The following SCLY variants were observed in gnomAD, a reference collection of about 807,000 sequenced individuals.
SCLY encodes putative selenocysteine lyase.
In SCLY, 38 loss-of-function variants were observed where a neutral mutation model predicts 50.1. The observed-to-expected ratio is 0.76, with a 90% CI of 0.59 to 0.99. SCLY has a LOEUF of 0.99. SCLY is among the 50% of genes least tolerant of loss of function. SCLY has a pLI of 0.00. For missense variants in SCLY, 600 were observed against 620.0 expected, an observed-to-expected ratio of 0.97 and a Z score of 0.34; for synonymous variants, 243 against 249.4, an observed-to-expected ratio of 0.97 and a Z score of 0.24.
chr2:238,083,786 G>GC lies in SCLY; in HGVS notation c.884+437dup, dbSNP rs769678723. 1.1e-4 allele frequency among the ~76,000 whole-genome samples: 16 copies of GC among 152,102 alleles called. No individual in the cohort carries two copies. Among genetic ancestry groups the GC allele is most frequent in the Non-Finnish European group, 1.9e-4 (13 of 68,032 alleles). Reference sequence around the variant, plus strand: ...CGTGTTAACTGGGAAATTAGTTGTTGCCCCCACCACACCTTTTGTTAGAAA... The same window carrying GC: ...CGTGTTAACTGGGAAATTAGTTGTTGCCCCCCACCACACCTTTTGTTAGAAA... On this transcript the variant is annotated intron_variant, in intron 7 of 11. Coordinates refer to ENST00000254663, the MANE Select transcript of SCLY (RefSeq NM_016510.7). This position sits in a 1 kb window ranked among gnomAD's most constrained non-coding sequence, Gnocchi z 4.3.
At chr2:238,078,660 G>A (rs1363865670) in intron 4 of SCLY, 1 of 148,834 alleles carries the variant, frequency 6.7e-6, no homozygotes, top group African/African-American at 2.5e-5. Context: ...ATCTATATAT[G>A]TTACAAACTC....
At position 238,083,075 on chromosome 2, in the gene SCLY, A is replaced by G. The variant is rs1415076917; in HGVS notation, c.778-173A>G. ...AGGTTGGGGTTCCACCCTGCCCCGA[A>G]GGCTTTTGTGACTCTGCGTGTCAAA... On this transcript the variant is annotated intron_variant, in intron 6 of 11. Transcript: ENST00000254663. This position sits in a 1 kb window ranked among gnomAD's most constrained non-coding sequence, Gnocchi z 4.3. The G allele has an allele frequency of 1.4e-6, 1 of 694,564 alleles. No individual in the cohort carries two copies. Among genetic ancestry groups the G allele is most frequent in the East Asian group, 2.8e-5 (1 of 35,212 alleles). 43.0% of individuals were successfully genotyped at this position (694,564 alleles called of 1,614,324 possible).
chr2:238,067,916 C>T lies in SCLY; in HGVS notation c.203-149C>T. The stretch of plus-strand genomic sequence containing the variant: ...TTGCCGGGTTGTGTCTAGGTTGTAG[C>T]ATTTTGCTGTGCTCACATTAAGGGG... On this transcript the variant is annotated intron_variant, in intron 2 of 11. Transcript: ENST00000254663. The surrounding 1 kb of genome is among the most constrained non-coding windows in gnomAD (Gnocchi z 4.3). 6 of 556,540 alleles carry T rather than the reference C, an allele frequency of 1.1e-5. No homozygotes were observed. In the South Asian group the frequency reaches 1.6e-4, roughly 14 times the overall value. 34.5% of individuals were successfully genotyped at this position (556,540 alleles called of 1,614,324 possible).
intron 4 of SCLY, among the ~76,000 whole-genome samples, chr2:238,075,510 T>C (rs1207327250): frequency 6.6e-6 from 1 of 152,202 alleles, no homozygotes; most frequent in Non-Finnish European, 1.5e-5. Flanking sequence ...GGGCCTGGGC[T>C]TCTCTTTGTG....
chr2:238,075,783 ATCTTTTTAAAAAC>A (rs1461194970), intron 4 of SCLY, among the ~76,000 whole-genome samples: 3 of 152,050 alleles, frequency 2.0e-5, no homozygotes, highest in Non-Finnish European at 4.4e-5. Flanking sequence ...CTAAAGATTT[ATCTTTTTAAAAAC>A]TCTTTTTAAA....
At chr2:238,087,161 C>CAAAA (rs34951361) in intron 7 of SCLY, among the ~76,000 whole-genome samples, 1 of 124,084 alleles carries the variant, frequency 8.1e-6, no homozygotes. Flanking sequence ...CCTGTTTCTA[C>CAAAA]AAAAAAAAAA....
In SCLY at chr2:238,067,430, C is replaced by T. The variant is rs1164220376; in HGVS notation, c.203-635C>T. Among the ~76,000 whole-genome samples, 2 of 152,212 alleles carry T rather than the reference C, an allele frequency of 1.3e-5. No individual in the cohort carries two copies. Among genetic ancestry groups the T allele is most frequent in the African/African-American group, 4.8e-5 (2 of 41,450 alleles). On this transcript the variant is annotated intron_variant, in intron 2 of 11. Transcript: ENST00000254663. This position sits in a 1 kb window ranked among gnomAD's most constrained non-coding sequence, Gnocchi z 4.3. The stretch of plus-strand genomic sequence containing the variant: ...TCCTGGTGTGTACACTAAGAATGGT[C>T]ACTGAAACTTTCGGCATTCCCATGC...
chr2:238,065,110 C>G (rs148875030), intron 2 of SCLY: 32 of 152,296 alleles, frequency 2.1e-4, no homozygotes, highest in African/African-American at 7.5e-4. Flanking sequence ...TGATGATGAA[C>G]TAAATTAACT....
In SCLY at chr2:238,098,694, T is replaced by C. The variant is rs1691365359; in HGVS notation, c.*339T>C. The C allele has an allele frequency of 6.3e-6, 1 of 158,514 alleles. No individual in the cohort carries two copies. The highest frequency in any genetic ancestry group is 1.0e-4 in the Admixed American group (1 of 9,712). 9.8% of individuals were successfully genotyped at this position (158,514 alleles called of 1,614,324 possible). A position where few individuals can be genotyped will look rare whatever the true frequency, so the allele number is the denominator to read the frequency against. On this transcript the variant is annotated 3_prime_UTR_variant, in exon 12 of 12. Transcript: ENST00000254663. ...CCTCCAGTGGTGAAGCGGAAACACT[T>C]AGCTTTATCCACCCTCCCCACTGGG...
At chr2:238,072,895 G>T (rs1013237070) in intron 4 of SCLY, among the ~76,000 whole-genome samples, 11 of 152,000 alleles carry the variant, frequency 7.2e-5, no homozygotes, top group Admixed American at 3.3e-4. Context: ...GTCTATTTTT[G>T]TTGTTGTTGT....
intron 6 of SCLY, 116 bp downstream of exon 6, chr2:238,082,325 G>A (rs920303110): frequency 2.2e-5 from 23 of 1,036,000 alleles, no homozygotes; most frequent in African/African-American, 3.2e-5. Flanking sequence ...GGGGCACTGC[G>A]AGGAGCAACG....
At chr2:238,096,718 T>G in intron 10 of SCLY, 83 bp from the exon 11 acceptor site, 1 of 1,447,282 alleles carries the variant, frequency 6.9e-7, no homozygotes, top group Non-Finnish European at 9.5e-7. Context: ...GGAAGCAGCC[T>G]GCGCCCAGCA....
At chr2:238,070,565 A>T (rs6716105) in intron 4 of SCLY, among the ~76,000 whole-genome samples, 2 of 152,094 alleles carry the variant, frequency 1.3e-5, no homozygotes, top group African/African-American at 4.8e-5. Context: ...CTGTAGTTCC[A>T]GCTTCTGGGG....
chr2:238,071,194 T>G (rs921355766), intron 4 of SCLY, among the ~76,000 whole-genome samples: 5 of 152,248 alleles, frequency 3.3e-5, no homozygotes, highest in African/African-American at 4.8e-5. Flanking sequence ...GGCAACTTGG[T>G]ATACATCATT....
rs373187453 is a variant in SCLY, at chr2:238,093,886, G to T, written c.947G>T (p.Cys316Phe). Reference sequence around the variant, plus strand: ...GCCGCGGAGCTGGTGACCCAGAACTGCGAGGCTTATGAGGCCCACATGAGG... The same window carrying T: ...GCCGCGGAGCTGGTGACCCAGAACTTCGAGGCTTATGAGGCCCACATGAGG... ...GKAAELVTQN[C>F]EAYEAHMRDV... Residue 316 changes from cysteine to phenylalanine, a missense_variant, in exon 9 of 12, where the codon TGC (cysteine) becomes TTC (phenylalanine). Coordinates refer to ENST00000254663, the MANE Select transcript of SCLY (RefSeq NM_016510.7). 3 of 1,614,080 alleles carry T rather than the reference G, an allele frequency of 1.9e-6. No individual in the cohort carries two copies. Among genetic ancestry groups the T allele is most frequent in the East Asian group, 2.2e-5 (1 of 44,886 alleles).
At chr2:238,075,784 T>C (rs1048793955) in intron 4 of SCLY, among the ~76,000 whole-genome samples, 1 of 152,156 alleles carries the variant, frequency 6.6e-6, no homozygotes, top group Non-Finnish European at 1.5e-5. Flanking sequence ...TAAAGATTTA[T>C]CTTTTTAAAA....
At position 238,098,640 on chromosome 2, in the gene SCLY, C is replaced by CCCACATGGGACCGCCCACATAGAACCGT. The variant is rs1559254880; in HGVS notation, c.*288_*315dup. 336 of 351,912 alleles carry CCCACATGGGACCGCCCACATAGAACCGT rather than the reference C, an allele frequency of 9.5e-4. 9 individuals are homozygous for CCCACATGGGACCGCCCACATAGAACCGT. Among genetic ancestry groups the CCCACATGGGACCGCCCACATAGAACCGT allele is most frequent in the African/African-American group, 5.2e-3 (194 of 37,472 alleles). 21.8% of individuals were successfully genotyped at this position (351,912 alleles called of 1,614,324 possible). On this transcript the variant is annotated 3_prime_UTR_variant, in exon 12 of 12. Transcript: ENST00000254663. ...ACATGGGACCGCCCACATGGGACCG[C>CCCACATGGGACCGCCCACATAGAACCGT]CCACATGGGACCGCCCACATAGAAC...
Position 238,098,490 on chromosome 2 carries a change from G to C in SCLY, c.*135G>C, listed in dbSNP as rs988729229. The C allele has an allele frequency of 2.7e-5, 28 of 1,019,588 alleles. No homozygotes were observed. The highest frequency in any genetic ancestry group is 3.7e-5 in the Non-Finnish European group (27 of 722,644). The allele number at this position is 1,019,588 out of a possible 1,614,324, so 63.2% of individuals were successfully genotyped here. A position where few individuals can be genotyped will look rare whatever the true frequency, so the allele number is the denominator to read the frequency against. On this transcript the variant is annotated 3_prime_UTR_variant, in exon 12 of 12. Transcript: ENST00000254663. ...CTCTGCATTTTGTCCTGGAGTGCCAGCGAGTGTGCACCCCCAGTTTCCTTC... is the reference window on the plus strand; with the variant it reads ...CTCTGCATTTTGTCCTGGAGTGCCACCGAGTGTGCACCCCCAGTTTCCTTC...
At position 238,098,635 on chromosome 2, in the gene SCLY, G is replaced by GAACGCCCACATAGA. The variant is rs1559254799; in HGVS notation, c.*281_*282insACGCCCACATAGAA. The GAACGCCCACATAGA allele has an allele frequency of 2.0e-3, 548 of 276,436 alleles. 18 individuals are homozygous for GAACGCCCACATAGA. The highest frequency in any genetic ancestry group is 6.7e-3 in the African/African-American group (155 of 23,106). 17.1% of individuals were successfully genotyped at this position (276,436 alleles called of 1,614,324 possible). On this transcript the variant is annotated 3_prime_UTR_variant, in exon 12 of 12. Coordinates refer to ENST00000254663, the MANE Select transcript of SCLY (RefSeq NM_016510.7). ...CGCCCACATGGGACCGCCCACATGGGACCGCCCACATGGGACCGCCCACAT... is the reference window on the plus strand; with the variant it reads ...CGCCCACATGGGACCGCCCACATGGGAACGCCCACATAGAACCGCCCACATGGGACCGCCCACAT...
Sources: allele counts gnomAD v4.1 joint callset (sites outside exome capture counted in the v4.1 genomes callset), GRCh38; gene constraint gnomAD v4.1.1; non-coding constraint Gnocchi (gnomAD v3.1); transcripts MANE v1.5; gene names NCBI Gene and HGNC (gene_info 2026-07-23, HGNC 2026-07-21).